COL13A1: variants seen among roughly 807,000 people sequenced by gnomAD.
The protein encoded by COL13A1 is collagen alpha-1(XIII) chain.
In COL13A1, 89 loss-of-function variants were observed where a neutral mutation model predicts 130.9. The ratio of observed to expected loss-of-function variants is 0.68; its 90% CI spans 0.57 to 0.81. The LOEUF (loss-of-function observed/expected upper bound fraction) is 0.81, where lower values mean the gene tolerates loss of function less well. Ranked by LOEUF, COL13A1 falls within the 30% of genes least tolerant of loss-of-function variation. COL13A1 has a pLI of 0.00. For synonymous variants in COL13A1, 402 were observed against 341.6 expected (o/e 1.18, Z -1.95); for missense variants, 879 against 934.6 (o/e 0.94, Z 0.78).
chr10:69,803,726 G>A (rs1054080948), intron 1 of COL13A1, among the ~76,000 whole-genome samples: 10 of 152,140 alleles, frequency 6.6e-5, no homozygotes, highest in African/African-American at 1.4e-4. Flanking sequence ...TAAAGATCAC[G>A]GTGGTAGAGG....
chr10:69,917,395 C>T, intron 18 of COL13A1, 62 bp downstream of exon 18: 1 of 1,433,754 alleles, frequency 7.0e-7, no homozygotes, highest in Non-Finnish European at 9.7e-7. Context: ...GCCCATCCCT[C>T]TCTCCTCAGC....
intron 36 of COL13A1, 79 bp downstream of exon 36, chr10:69,944,257 C>A: frequency 8.4e-7 from 1 of 1,193,302 alleles, no homozygotes. Context: ...GGTCTCAGCC[C>A]TCATGCCTTC....
At chr10:69,878,536 C>T (rs1281785912) in intron 6 of COL13A1, among the ~76,000 whole-genome samples, 2 of 152,060 alleles carry the variant, frequency 1.3e-5, no homozygotes, top group African/African-American at 2.4e-5. Flanking sequence ...GGCTGGAGCG[C>T]AGTGGCGAGA....
chr10:69,898,137 C>G (rs772874235), intron 13 of COL13A1, among the ~76,000 whole-genome samples: 3 of 152,170 alleles, frequency 2.0e-5, no homozygotes, highest in Admixed American at 6.5e-5. Flanking sequence ...TCCCCAGATG[C>G]GCTGACACCA....
chr10:69,802,198 T>G lies in COL13A1; in HGVS notation c.-226T>G. The G allele has an allele frequency of 2.0e-6, 1 of 493,074 alleles. No homozygotes were observed. The highest frequency in any genetic ancestry group is 3.4e-6 in the Non-Finnish European group (1 of 293,166). 30.5% of individuals were successfully genotyped at this position (493,074 alleles called of 1,614,324 possible). A position where few individuals can be genotyped will look rare whatever the true frequency, so the allele number is the denominator to read the frequency against. On this transcript the variant is annotated 5_prime_UTR_variant, in exon 1 of 41. Transcript: ENST00000645393. ...CTTGGAACGTTCTTCGAAATAACTTTTTTCTCACCTAGGTGTACCCCAATT... is the reference window on the plus strand; with the variant it reads ...CTTGGAACGTTCTTCGAAATAACTTGTTTCTCACCTAGGTGTACCCCAATT...
chr10:69,876,975 C>T (rs1356494162), intron 5 of COL13A1, among the ~76,000 whole-genome samples: 1 of 152,180 alleles, frequency 6.6e-6, no homozygotes, highest in Non-Finnish European at 1.5e-5. Flanking sequence ...GTGGACACCT[C>T]CTCCCAGGAA....
At chr10:69,875,305 C>A in intron 5 of COL13A1, 142 bp downstream of exon 5, 4 of 989,010 alleles carry the variant, frequency 4.0e-6, no homozygotes, top group Non-Finnish European at 6.2e-6. Flanking sequence ...CCCCAGTGTG[C>A]TTTAGGGAGG....
At chr10:69,865,005 C>A (rs748249852) in intron 2 of COL13A1, among the ~76,000 whole-genome samples, 2 of 152,226 alleles carry the variant, frequency 1.3e-5, no homozygotes, top group Non-Finnish European at 2.9e-5. Flanking sequence ...TGGGCGGAGT[C>A]CAGGTGTCTT....
chr10:69,944,146 GT>G lies in COL13A1; in HGVS notation c.1938del (p.Pro647GlnfsTer18). ...GPPGTPGPIG[V>X]PGPAGPKGER... ...CCAGGGTACTCCAGGACCAATTGGA[GT>G]TCCAGGCCCAGCGGGACCAAAGGGC... On this transcript the variant is annotated frameshift_variant, in exon 36 of 41. Transcript: ENST00000645393. LOFTEE classifies it high-confidence loss of function. 6.2e-7 allele frequency: 1 copy of G among 1,613,896 alleles called. No individual in the cohort carries two copies. Among genetic ancestry groups the G allele is most frequent in the Non-Finnish European group, 8.5e-7 (1 of 1,179,832 alleles).
chr10:69,860,632 G>C (rs10762320), intron 2 of COL13A1: 1 of 173,100 alleles, frequency 5.8e-6, no homozygotes, highest in African/African-American at 2.4e-5. Flanking sequence ...TCGGGTTGTC[G>C]TTCCTCTTGC....
At chr10:69,836,209 C>G (rs974881978) in intron 2 of COL13A1, among the ~76,000 whole-genome samples, 1 of 152,240 alleles carries the variant, frequency 6.6e-6, no homozygotes, top group East Asian at 1.9e-4. Context: ...GGGAAACACA[C>G]GGGTAACTCA....
rs752447672 is a variant in COL13A1 at position 69,947,171 on chromosome 10, T to C, written c.2023-136T>C. 231 of 762,032 alleles carry C rather than the reference T, an allele frequency of 3.0e-4. 5 individuals carry two copies. Among genetic ancestry groups the C allele is most frequent in the South Asian group, 2.7e-3 (167 of 62,276 alleles). 47.2% of individuals were successfully genotyped at this position (762,032 alleles called of 1,614,324 possible). On this transcript the variant is annotated intron_variant, in intron 37 of 40. Transcript: ENST00000645393. ...TAGCGATTTGCTTCTCTGTCCCCTT[T>C]CCGTGTAGTGGGAATAACTAAACCT... is the stretch of plus-strand genomic sequence containing the variant.
At chr10:69,803,023 C>A (rs1011021753) in intron 1 of COL13A1, among the ~76,000 whole-genome samples, 1 of 152,176 alleles carries the variant, frequency 6.6e-6, no homozygotes, top group Non-Finnish European at 1.5e-5. Context: ...CTCGCGGAGG[C>A]GGGCAAGCTC....
At position 69,909,144 on chromosome 10, in the gene COL13A1, G is replaced by A. The variant is rs554707408; in HGVS notation, c.921+3322G>A. On this transcript the variant is annotated intron_variant, in intron 17 of 40. Transcript: ENST00000645393. ...GAGCAGCTCTGAGCCTTGATCCCTG[G>A]CCTTGAGAGGAGGCTCTGTCTCTTT... Among the ~76,000 whole-genome samples, 11 of 152,292 alleles carry A rather than the reference G, an allele frequency of 7.2e-5. No homozygotes were observed. In the East Asian group the frequency reaches 1.7e-3, roughly 24 times the overall value.
intron 1 of COL13A1, among the ~76,000 whole-genome samples, chr10:69,810,897 G>A (rs917446502): frequency 3.3e-5 from 5 of 152,234 alleles, no homozygotes; most frequent in African/African-American, 1.2e-4. Flanking sequence ...TGGGCCTGCT[G>A]GCAGGGGGTG....
intron 2 of COL13A1, among the ~76,000 whole-genome samples, chr10:69,857,896 T>A (rs985484331): frequency 3.3e-5 from 5 of 151,448 alleles, no homozygotes; most frequent in African/African-American, 1.2e-4. Flanking sequence ...GGCAGGCAGA[T>A]CACGAGGTCA....
intron 38 of COL13A1, 60 bp from the exon 39 acceptor site, chr10:69,952,822 A>G: frequency 8.5e-7 from 1 of 1,174,042 alleles, no homozygotes; most frequent in Non-Finnish European, 1.2e-6. Flanking sequence ...CTTCAACCTT[A>G]ACACATGAAT....
chr10:69,809,966 T>C (rs1423819286), intron 1 of COL13A1, among the ~76,000 whole-genome samples: 1 of 152,218 alleles, frequency 6.6e-6, no homozygotes, highest in Non-Finnish European at 1.5e-5. Context: ...CAAAGGCTTT[T>C]GTATGAGCCT....
chr10:69,920,698 G>A (rs1360621060), intron 21 of COL13A1, among the ~76,000 whole-genome samples: 1 of 152,236 alleles, frequency 6.6e-6, no homozygotes, highest in African/African-American at 2.4e-5. Flanking sequence ...CTGGCACCCT[G>A]ATCTCAGACT....
Sources: allele counts gnomAD v4.1 joint callset (sites outside exome capture counted in the v4.1 genomes callset), GRCh38; gene constraint gnomAD v4.1.1; transcripts MANE v1.5; gene names NCBI Gene and HGNC (gene_info 2026-07-23, HGNC 2026-07-21).